The following ADGRL2 variants were observed in gnomAD, a reference collection of about 807,000 sequenced individuals.
ADGRL2 encodes adhesion G protein-coupled receptor L2.
Under a neutral mutation model 157.4 loss-of-function variants are expected in ADGRL2, and 44 were observed. The ratio of observed to expected loss-of-function variants is 0.28; its 90% CI spans 0.22 to 0.36. The LOEUF is 0.36. ADGRL2 is among the 10% of genes least tolerant of loss of function. The pLI, the probability that ADGRL2 is intolerant of heterozygous loss-of-function variation, is 1.00. For missense variants in ADGRL2, 1,510 were observed against 1,768.9 expected, an observed-to-expected ratio of 0.85 and a Z score of 2.63; for synonymous variants, 585 against 624.7, an observed-to-expected ratio of 0.94 and a Z score of 0.95.
chr1:81,413,365 T>C (rs1461277472), intron 1 of ADGRL2, among the ~76,000 whole-genome samples: 1 of 152,140 alleles, frequency 6.6e-6, no homozygotes, highest in Admixed American at 6.5e-5. Flanking sequence ...AAGTATTGTG[T>C]TGTATTTACT....
chr1:81,886,789 A>G (rs967603850), intron 2 of ADGRL2, among the ~76,000 whole-genome samples: 1 of 152,190 alleles, frequency 6.6e-6, no homozygotes, highest in Non-Finnish European at 1.5e-5. Flanking sequence ...GAGTGTTTTC[A>G]TATACTCTTT....
chr1:81,815,287 C>A (rs2090285133), intron 1 of ADGRL2, among the ~76,000 whole-genome samples: 1 of 151,748 alleles, frequency 6.6e-6, no homozygotes, highest in Non-Finnish European at 1.5e-5. Context: ...GAGGCCTTAA[C>A]TAAAAAGTTA....
At chr1:81,373,903 C>A (rs546974667) in intron 1 of ADGRL2, among the ~76,000 whole-genome samples, 14 of 152,254 alleles carry the variant, frequency 9.2e-5, no homozygotes, top group Admixed American at 3.9e-4. Flanking sequence ...AAGCAATGAA[C>A]TGAAGCAAAG....
At chr1:81,822,247 C>T (rs1363220623) in intron 1 of ADGRL2, among the ~76,000 whole-genome samples, 1 of 151,430 alleles carries the variant, frequency 6.6e-6, no homozygotes, top group East Asian at 1.9e-4. Context: ...TTCCCGCTAT[C>T]AGAAAAAAAT....
intron 3 of ADGRL2, among the ~76,000 whole-genome samples, chr1:81,929,128 A>G (rs1280776853): frequency 1.3e-5 from 2 of 152,126 alleles, no homozygotes; most frequent in African/African-American, 4.8e-5. Context: ...ATGCTGGAAT[A>G]TTTGTTCAAG....
At chr1:81,706,262 AGGATATAAAT>A (rs1334076292) in intron 1 of ADGRL2, among the ~76,000 whole-genome samples, 1 of 152,148 alleles carries the variant, frequency 6.6e-6, no homozygotes, top group African/African-American at 2.4e-5. Context: ...GATGGAAAAG[AGGATATAAAT>A]GGTCAAGAAA....
intron 1 of ADGRL2, among the ~76,000 whole-genome samples, chr1:81,333,004 G>A (rs1030602162): frequency 2.0e-5 from 3 of 152,146 alleles, no homozygotes; most frequent in Non-Finnish European, 4.4e-5. Flanking sequence ...TAGGAAACTC[G>A]TTTCTGAAAT....
At chr1:81,826,858 A>G (rs2091528893) in intron 1 of ADGRL2, among the ~76,000 whole-genome samples, 1 of 152,206 alleles carries the variant, frequency 6.6e-6, no homozygotes, top group African/African-American at 2.4e-5. Flanking sequence ...GTTATTAAAA[A>G]TTTGTAACCT....
chr1:81,476,124 G>A (rs1432997467), intron 2 of ADGRL2, among the ~76,000 whole-genome samples: 1 of 150,890 alleles, frequency 6.6e-6, no homozygotes, highest in Non-Finnish European at 1.5e-5. Flanking sequence ...TAAATATATG[G>A]GTAGGAAAAA....
At chr1:81,460,110 C>T (rs1265222283) in intron 2 of ADGRL2, among the ~76,000 whole-genome samples, 1 of 151,906 alleles carries the variant, frequency 6.6e-6, no homozygotes, top group Non-Finnish European at 1.5e-5. Flanking sequence ...TGTTGAATAT[C>T]TTCATATACC....
chr1:81,955,889 A>G lies in ADGRL2; in HGVS notation c.1846A>G (p.Thr616Ala). 6.3e-7 allele frequency: 1 copy of G among 1,584,122 alleles called. No homozygotes were observed. Among genetic ancestry groups the G allele is most frequent in the Non-Finnish European group, 8.6e-7 (1 of 1,167,412 alleles). The part of the protein sequence containing the change: ...CRAYLKAIVD[T>A]VDNLLRPEAL... ...CTAATGGATACAGGCAATTGTTGAC[A>G]CAGTGGACAACCTTCTGAGACCCGA... The change falls in exon 11 of 24, where the codon ACA (threonine) becomes GCA (alanine). Residue 616 changes from threonine (T) to alanine (A), a missense_variant. By Grantham distance (58) the Thr-to-Ala change is moderately conservative. Coordinates refer to ENST00000686636, the MANE Select transcript of ADGRL2 (RefSeq NM_001366006.2).
Position 81,503,296 on chromosome 1 carries a change from A to C in ADGRL2, c.-248+58207A>C, listed in dbSNP as rs148694427. ...CATGTCTGTGGACATCGATGGCACCACCTACGCAGGTGTGCTGTTTGCCCA... is the reference window on the plus strand; with the variant it reads ...CATGTCTGTGGACATCGATGGCACCCCCTACGCAGGTGTGCTGTTTGCCCA... On this transcript the variant is annotated intron_variant, in intron 2 of 24. Coordinates refer to the ADGRL2 transcript ENST00000370721. The C allele has an allele frequency of 1.4e-4, 232 of 1,614,178 alleles. 1 individual carries two copies. The African/African-American group carries it at 2.9e-3, about 20-fold the overall frequency.
chr1:81,542,159 C>T (rs1409382198), intron 2 of ADGRL2, among the ~76,000 whole-genome samples: 19 of 152,074 alleles, frequency 1.2e-4, no homozygotes, highest in Non-Finnish European at 2.5e-4. Flanking sequence ...GGGTTCTCGC[C>T]CCGTACCACA....
At chr1:81,722,484 A>G in intron 1 of ADGRL2, 1 of 1,550,880 alleles carries the variant, frequency 6.4e-7, no homozygotes, top group Admixed American at 1.7e-5. Context: ...AAATTACAGA[A>G]GCCAAATGCT....
intron 1 of ADGRL2, among the ~76,000 whole-genome samples, chr1:81,832,471 G>C (rs1857104): frequency 0.64 from 96,956 of 152,070 alleles, 31,986 homozygotes; most frequent in Middle Eastern, 0.81. Flanking sequence ...AGAGTCCTCA[G>C]GCAGTTTTTT....
At chr1:81,988,357 C>T (rs554465768) in intron 23 of ADGRL2, 3 of 152,112 alleles carry the variant, frequency 2.0e-5, no homozygotes, top group Admixed American at 1.3e-4. Context: ...TTGTATTTAC[C>T]AAGCAATGAT....
At chr1:81,340,054 G>A (rs1661954224) in intron 1 of ADGRL2, among the ~76,000 whole-genome samples, 1 of 152,154 alleles carries the variant, frequency 6.6e-6, no homozygotes, top group African/African-American at 2.4e-5. Context: ...TATATCACAG[G>A]AAGTGTGCTC....
chr1:81,907,561 G>T (rs1304503535), intron 3 of ADGRL2, among the ~76,000 whole-genome samples: 1 of 151,654 alleles, frequency 6.6e-6, no homozygotes, highest in African/African-American at 2.4e-5. Context: ...GTAACATCAA[G>T]AATGTTGAAG....
At position 81,408,645 on chromosome 1, in the gene ADGRL2, A is replaced by G. The variant is rs565877010; in HGVS notation, c.-301-36391A>G. 3.3e-5 allele frequency among the ~76,000 whole-genome samples: 5 copies of G among 152,362 alleles called. No individual in the cohort carries two copies. The South Asian group carries it at 1.0e-3, about 32-fold the overall frequency. On this transcript the variant is annotated intron_variant, in intron 1 of 24. Transcript: ENST00000370721. ...CTGAAAGACCCTTGTTCACTCGTGC[A>G]TAAAATATAACTGCCCCCAAGGGTG...
Sources: gnomAD v4.1 joint callset for allele counts (sites outside exome capture counted in the v4.1 genomes callset) on GRCh38, gnomAD v4.1.1 for gene constraint, MANE v1.5 for transcripts, NCBI Gene and HGNC (gene_info 2026-07-23, HGNC 2026-07-21) for gene names.